MGAT4C: variants seen among roughly 807,000 people sequenced by gnomAD.
MGAT4C encodes the protein alpha-1,3-mannosyl-glycoprotein 4-beta-N-acetylglucosaminyltransferase C.
In MGAT4C, 19 loss-of-function variants were observed where a neutral mutation model predicts 40.1. That is an observed-to-expected ratio of 0.47 (90% CI 0.33 to 0.70). The LOEUF is 0.70. Among genes scored for constraint, MGAT4C ranks in the 30% least tolerant of loss-of-function variants. The probability of loss-of-function intolerance (pLI) is 0.02; values close to 1 mark genes in which losing one functional copy is unlikely to be tolerated. For synonymous variants in MGAT4C, 181 were observed against 187.1 expected (o/e 0.97, Z 0.27); for missense variants, 491 against 563.2 (o/e 0.87, Z 1.30).
At chr12:86,718,896 G>C (rs1443544524) in intron 2 of MGAT4C, among the ~76,000 whole-genome samples, 2 of 151,090 alleles carry the variant, frequency 1.3e-5, no homozygotes, top group Non-Finnish European at 3.0e-5. Context: ...CTAGTCCCTG[G>C]TGTCAAAAAG....
At chr12:86,825,155 T>G (rs534030824) in intron 1 of MGAT4C, among the ~76,000 whole-genome samples, 2 of 151,246 alleles carry the variant, frequency 1.3e-5, no homozygotes, top group African/African-American at 4.8e-5. Flanking sequence ...AATGCCTAAA[T>G]ATAGAAATGA....
chr12:86,482,078 A>G (rs1957947462), intron 2 of MGAT4C, among the ~76,000 whole-genome samples: 1 of 151,160 alleles, frequency 6.6e-6, no homozygotes, highest in Admixed American at 6.6e-5. Context: ...ACACACACAC[A>G]CACACACACA....
At chr12:86,782,056 G>T (rs111599258) in intron 1 of MGAT4C, among the ~76,000 whole-genome samples, 1 of 151,660 alleles carries the variant, frequency 6.6e-6, no homozygotes, top group Non-Finnish European at 1.5e-5. Flanking sequence ...GCAGTGGCGT[G>T]ATCTCGGCTT....
rs531883448 is a variant in MGAT4C, at chr12:85,961,634, A to T, written c.*17655T>A. ...TAAACTTCACCCTAAGGAAATTTCC[A>T]TGTCAGATACAATAAGAGCAACGGA... On this transcript the variant is annotated 3_prime_UTR_variant, in exon 5 of 5. Coordinates refer to ENST00000611864, the MANE Select transcript of MGAT4C (RefSeq NM_001351288.2). 5 of 151,964 alleles carry T rather than the reference A, an allele frequency of 3.3e-5. No homozygotes were observed. The highest frequency in any genetic ancestry group is 4.1e-4 in the South Asian group (2 of 4,830). 9.4% of individuals were successfully genotyped at this position (151,964 alleles called of 1,614,324 possible). A position where few individuals can be genotyped will look rare whatever the true frequency, so the allele number is the denominator to read the frequency against.
intron 2 of MGAT4C, among the ~76,000 whole-genome samples, chr12:86,595,594 A>G (rs2136453570): frequency 6.6e-6 from 1 of 152,142 alleles, no homozygotes; most frequent in African/African-American, 2.4e-5. Context: ...TCATTCTTTG[A>G]CCAAACATCA....
At chr12:86,292,709 T>C (rs776124336) in intron 4 of MGAT4C, among the ~76,000 whole-genome samples, 17 of 152,200 alleles carry the variant, frequency 1.1e-4, no homozygotes, top group African/African-American at 2.2e-4. Flanking sequence ...ATTGGTATAA[T>C]TGATAACAGC....
intron 3 of MGAT4C, among the ~76,000 whole-genome samples, chr12:86,421,527 T>C (rs1170528501): frequency 6.6e-6 from 1 of 152,162 alleles, no homozygotes; most frequent in Non-Finnish European, 1.5e-5. Context: ...GTCCCAGCAC[T>C]TTGGGAGGCC....
chr12:86,631,982 G>A (rs539984188), intron 2 of MGAT4C, among the ~76,000 whole-genome samples: 4 of 152,058 alleles, frequency 2.6e-5, no homozygotes, highest in Non-Finnish European at 4.4e-5. Flanking sequence ...TACAGAATGG[G>A]AGAAAATTTT....
chr12:86,252,185 G>A (rs11830448), intron 1 of MGAT4C, among the ~76,000 whole-genome samples: 10,815 of 151,754 alleles, frequency 0.071, 933 homozygotes, highest in East Asian at 0.25. Flanking sequence ...GGCAGAGAGA[G>A]AAAGCAGATA....
chr12:86,805,446 TTA>T (rs1952333293), intron 1 of MGAT4C, among the ~76,000 whole-genome samples: 1 of 151,990 alleles, frequency 6.6e-6, no homozygotes. Flanking sequence ...TAGCTCCCAT[TTA>T]TGAGTGAAAC....
At chr12:86,182,020 C>T (rs1888187390) in intron 1 of MGAT4C, among the ~76,000 whole-genome samples, 1 of 150,650 alleles carries the variant, frequency 6.6e-6, no homozygotes, top group Non-Finnish European at 1.5e-5. Context: ...CTGCATTGTA[C>T]TACATTTTGC....
chr12:86,829,211 C>T (rs1025108144), intron 1 of MGAT4C, among the ~76,000 whole-genome samples: 15 of 151,430 alleles, frequency 9.9e-5, no homozygotes, highest in African/African-American at 3.6e-4. Context: ...TTGTTTTATA[C>T]TGGCTGATTA....
At chr12:86,364,322 T>C (rs905479386) in intron 3 of MGAT4C, among the ~76,000 whole-genome samples, 5 of 152,128 alleles carry the variant, frequency 3.3e-5, no homozygotes, top group African/African-American at 9.7e-5. Flanking sequence ...CAACAAAATA[T>C]AACATGTTGT....
chr12:86,236,536 A>G (rs1338103685), intron 1 of MGAT4C, among the ~76,000 whole-genome samples: 1 of 152,054 alleles, frequency 6.6e-6, no homozygotes, highest in Non-Finnish European at 1.5e-5. Context: ...ATGGATGACA[A>G]GAAGTTAAAC....
intron 1 of MGAT4C, among the ~76,000 whole-genome samples, chr12:86,820,533 C>G (rs1593238227): frequency 6.6e-6 from 1 of 150,746 alleles, no homozygotes; most frequent in Admixed American, 6.7e-5. Flanking sequence ...AATAATTTGC[C>G]TGTAAGAAGA....
intron 3 of MGAT4C, among the ~76,000 whole-genome samples, chr12:86,402,975 T>C (rs1805256585): frequency 6.6e-6 from 1 of 152,140 alleles, no homozygotes; most frequent in South Asian, 2.1e-4. Flanking sequence ...AACTTCTGGG[T>C]TTAGGTAATA....
intron 3 of MGAT4C, among the ~76,000 whole-genome samples, chr12:86,380,202 C>T (rs1471261547): frequency 6.6e-6 from 1 of 151,962 alleles, no homozygotes; most frequent in Non-Finnish European, 1.5e-5. Context: ...ATTCTTTCTA[C>T]AGAGTGAAAA....
chr12:86,366,272 C>G (rs1412935381), intron 3 of MGAT4C, among the ~76,000 whole-genome samples: 2 of 152,188 alleles, frequency 1.3e-5, no homozygotes, highest in Admixed American at 6.5e-5. Context: ...ATTAGCTTAT[C>G]AGTTCCAGGA....
chr12:86,634,753 G>A (rs1963165443), intron 2 of MGAT4C, among the ~76,000 whole-genome samples: 1 of 152,112 alleles, frequency 6.6e-6, no homozygotes, highest in South Asian at 2.1e-4. Flanking sequence ...AGGACCAGCT[G>A]GAGACTGTCT....
Sources: allele counts gnomAD v4.1 joint callset (sites outside exome capture counted in the v4.1 genomes callset), GRCh38; gene constraint gnomAD v4.1.1; transcripts MANE v1.5; gene names NCBI Gene and HGNC (gene_info 2026-07-23, HGNC 2026-07-21).